RPN2: variants seen among roughly 807,000 people sequenced by gnomAD.
The protein encoded by RPN2 is ribophorin II, also known as dolichyl-diphosphooligosaccharide--protein glycosyltransferase subunit 2.
In RPN2, 29 loss-of-function variants were observed where a neutral mutation model predicts 71.4. The ratio of observed to expected loss-of-function variants is 0.41; its 90% CI spans 0.30 to 0.55. The LOEUF is 0.55. RPN2 is among the 20% of genes least tolerant of loss of function. RPN2 has a pLI of 0.35. For synonymous variants in RPN2, 308 were observed against 305.0 expected (o/e 1.01, Z -0.10); for missense variants, 726 against 774.1 (o/e 0.94, Z 0.74).
At chr20:37,199,379 T>C (rs2067329611) in intron 4 of RPN2, among the ~76,000 whole-genome samples, 154 bp downstream of exon 4, 2 of 152,200 alleles carry the variant, frequency 1.3e-5, no homozygotes, top group African/African-American at 4.8e-5. Context: ...GCAGACATGA[T>C]TGCATGAAGG....
At chr20:37,210,771 G>A (rs55975219) in intron 8 of RPN2, among the ~76,000 whole-genome samples, 117,417 of 151,956 alleles carry the variant, frequency 0.77, 45,816 homozygotes, top group Middle Eastern at 0.89. Context: ...ACCTCAGGTG[G>A]TCCACCTGCC....
At position 37,196,791 on chromosome 20, in the gene RPN2, G is replaced by A. The variant is rs137978684; in HGVS notation, c.208-1606G>A. The stretch of plus-strand genomic sequence containing the variant: ...TGATTTGATACTGTTTCTTGGAGTC[G>A]AGGAGAGTCGTAGTAGCGGGGGCTT... On this transcript the variant is annotated intron_variant, in intron 2 of 16. Coordinates refer to ENST00000237530, the MANE Select transcript of RPN2 (RefSeq NM_002951.5). Among the ~76,000 whole-genome samples, 445 of 152,318 alleles carry A rather than the reference G, an allele frequency of 2.9e-3. 1 individual carries two copies. The highest frequency in any genetic ancestry group is 0.01 in the Middle Eastern group (3 of 294).
chr20:37,184,265 C>T lies in RPN2; in HGVS notation c.99C>T (p.Asp33=), dbSNP rs62206558. The T allele has an allele frequency of 2.5e-5, 40 of 1,614,166 alleles. 1 individual carries two copies. Among genetic ancestry groups the T allele is most frequent in the Middle Eastern group, 1.6e-4 (1 of 6,062 alleles). Residue 33 remains aspartate, a synonymous_variant, in exon 2 of 17, where the codon GAC becomes GAT. Coordinates refer to ENST00000237530, the MANE Select transcript of RPN2 (RefSeq NM_002951.5). ...CCACTCACTACCTCACCAAGCATGACGTGGAGAGACTAAAAGCCTCGCTGG... is the reference window on the plus strand; with the variant it reads ...CCACTCACTACCTCACCAAGCATGATGTGGAGAGACTAAAAGCCTCGCTGG... ...LTPTHYLTKH[D]VERLKASLDR...
chr20:37,230,758 G>C (rs1208817636), intron 13 of RPN2, among the ~76,000 whole-genome samples: 1 of 152,094 alleles, frequency 6.6e-6, no homozygotes, highest in Non-Finnish European at 1.5e-5. Flanking sequence ...AGTGCTCAAA[G>C]GGTAGAGTAG....
At chr20:37,216,852 T>C (rs913833377) in intron 9 of RPN2, among the ~76,000 whole-genome samples, 1 of 152,214 alleles carries the variant, frequency 6.6e-6, no homozygotes, top group Non-Finnish European at 1.5e-5. Flanking sequence ...TGCTGTAGTA[T>C]TTTACACCCT....
chr20:37,238,472 TC>T, intron 16 of RPN2: 1 of 1,576,848 alleles, frequency 6.3e-7, no homozygotes, highest in Admixed American at 1.7e-5. Flanking sequence ...GGCGGACTCA[TC>T]CCAGAAGCAG....
At chr20:37,238,155 G>C (rs1569003819) in intron 16 of RPN2, among the ~76,000 whole-genome samples, 1 of 152,204 alleles carries the variant, frequency 6.6e-6, no homozygotes, top group Admixed American at 6.5e-5. Flanking sequence ...TGGGGAGAGA[G>C]ACTATGGTTT....
intron 2 of RPN2, among the ~76,000 whole-genome samples, chr20:37,188,593 G>C (rs1203022988): frequency 1.3e-5 from 2 of 149,444 alleles, no homozygotes; most frequent in Non-Finnish European, 3.0e-5. Flanking sequence ...TTCTGTCAAG[G>C]GCAGAATTGA....
At chr20:37,223,147 T>C (rs1260502159) in intron 9 of RPN2, among the ~76,000 whole-genome samples, 1 of 152,212 alleles carries the variant, frequency 6.6e-6, no homozygotes, top group Non-Finnish European at 1.5e-5. Flanking sequence ...TTCTTAAAGC[T>C]TTCACTTCTG....
chr20:37,204,958 C>T, intron 6 of RPN2, 57 bp downstream of exon 6: 1 of 1,611,720 alleles, frequency 6.2e-7, no homozygotes, highest in Non-Finnish European at 8.5e-7. Flanking sequence ...GCTGTATCTG[C>T]TAAGGATGGC....
chr20:37,214,012 T>C, intron 9 of RPN2, 147 bp downstream of exon 9: 1 of 716,412 alleles, frequency 1.4e-6, no homozygotes, highest in South Asian at 1.5e-5. Flanking sequence ...ATTCAGTCTT[T>C]GCTGTTTGAC....
intron 3 of RPN2, 103 bp from the exon 4 acceptor site, chr20:37,198,947 G>A (rs2067316400): frequency 2.2e-6 from 2 of 924,084 alleles, no homozygotes; most frequent in African/African-American, 1.6e-5. Flanking sequence ...CATGTGCGAG[G>A]CGGAGGTGAC....
chr20:37,241,141 A>G (rs1321944917), intron 16 of RPN2, among the ~76,000 whole-genome samples, 162 bp from the exon 17 acceptor site: 1 of 152,232 alleles, frequency 6.6e-6, no homozygotes, highest in African/African-American at 2.4e-5. Context: ...GTAAAATGAG[A>G]TGGGGCATAC....
intron 13 of RPN2, among the ~76,000 whole-genome samples, chr20:37,232,085 A>G (rs183826104): frequency 6.6e-6 from 1 of 152,318 alleles, no homozygotes; most frequent in Non-Finnish European, 1.5e-5. Flanking sequence ...GCTGGGGTTA[A>G]TGTAGTCTCT....
At chr20:37,233,189 T>C (rs1465065192) in intron 14 of RPN2, among the ~76,000 whole-genome samples, 1 of 152,024 alleles carries the variant, frequency 6.6e-6, no homozygotes, top group Non-Finnish European at 1.5e-5. Flanking sequence ...CTAACCTGGG[T>C]GACAGAGTGA....
chr20:37,195,108 G>C (rs894963481), intron 2 of RPN2, among the ~76,000 whole-genome samples: 3 of 152,094 alleles, frequency 2.0e-5, no homozygotes, highest in African/African-American at 7.2e-5. Flanking sequence ...GGACATTTAG[G>C]GGGCAGTTTT....
chr20:37,180,441 C>T (rs555582436), intron 1 of RPN2, among the ~76,000 whole-genome samples: 2 of 152,294 alleles, frequency 1.3e-5, no homozygotes, highest in Admixed American at 6.5e-5. Flanking sequence ...ATAGCGTGGG[C>T]ATACCTAACA....
At position 37,227,476 on chromosome 20, in the gene RPN2, A is replaced by C. The variant is rs181151692; in HGVS notation, c.1300-1074A>C. The stretch of plus-strand genomic sequence containing the variant: ...AGGAGATCTGGCATCCGGTCTCCCC[A>C]TTCCATTCCTGGCCAAGACTAATTG... On this transcript the variant is annotated intron_variant, in intron 11 of 16. Coordinates refer to ENST00000237530, the MANE Select transcript of RPN2 (RefSeq NM_002951.5). 5.9e-5 allele frequency among the ~76,000 whole-genome samples: 9 copies of C among 152,296 alleles called. 1 individual carries two copies. The highest frequency in any genetic ancestry group is 1.3e-4 in the Admixed American group (2 of 15,300).
chr20:37,211,799 G>A (rs982419770), intron 8 of RPN2, among the ~76,000 whole-genome samples: 15 of 151,626 alleles, frequency 9.9e-5, no homozygotes, highest in African/African-American at 2.9e-4. Flanking sequence ...GTGTAGTGGC[G>A]TGATGTCTGC....
Sources: gnomAD v4.1 joint callset for allele counts (sites outside exome capture counted in the v4.1 genomes callset) on GRCh38, gnomAD v4.1.1 for gene constraint, MANE v1.5 for transcripts, NCBI Gene and HGNC (gene_info 2026-07-23, HGNC 2026-07-21) for gene names.